Variants in PCED1B observed in about 807,000 individuals in gnomAD.
PCED1B encodes the protein PC-esterase domain-containing protein 1B.
For synonymous variants in PCED1B, 251 were observed against 246.1 expected (o/e 1.02, Z -0.19); for missense variants, 573 against 573.9 (o/e 1.00, Z 0.02).
intron 2 of PCED1B, among the ~76,000 whole-genome samples, chr12:47,201,385 A>T (rs1460307486): frequency 6.6e-6 from 1 of 152,086 alleles, no homozygotes; most frequent in African/African-American, 2.4e-5. Context: ...AGCTTGCACA[A>T]GTTAAGTCCT....
At position 47,178,637 on chromosome 12, in the gene PCED1B, G is replaced by A. The variant is rs532649310; in HGVS notation, c.-525-37585G>A. ...TAATCCCAGCACTTTGGGAGGCTGA[G>A]GTGGGCAAATCACAAGGTCAGGAGT... On this transcript the variant is annotated intron_variant, in intron 2 of 3. Transcript: ENST00000546455. Among the ~76,000 whole-genome samples, 6 of 152,260 alleles carry A rather than the reference G, an allele frequency of 3.9e-5. No homozygotes were observed. The South Asian group carries it at 1.2e-3, about 32-fold the overall frequency.
At chr12:47,227,913 G>A (rs1943682326) in intron 3 of PCED1B, among the ~76,000 whole-genome samples, 1 of 152,100 alleles carries the variant, frequency 6.6e-6, no homozygotes, top group African/African-American at 2.4e-5. Context: ...CTGAGCTCTT[G>A]GAGCAACATT....
In PCED1B at chr12:47,169,627, T is replaced by C. The variant is rs139704617; in HGVS notation, c.-525-46595T>C. ...CTAAATGAAGTTCTCCTTGCATTTC[T>C]AACACTTTATATATTTAGCTGCTGT... On this transcript the variant is annotated intron_variant, in intron 2 of 3. Coordinates refer to ENST00000546455, the MANE Select transcript of PCED1B (RefSeq NM_138371.3). Among the ~76,000 whole-genome samples, 572 of 152,294 alleles carry C rather than the reference T, an allele frequency of 3.8e-3. 3 individuals carry two copies. Among genetic ancestry groups the C allele is most frequent in the African/African-American group, 0.011 (447 of 41,570 alleles).
chr12:47,171,065 CTT>C (rs71437788), intron 2 of PCED1B, among the ~76,000 whole-genome samples: 76 of 121,322 alleles, frequency 6.3e-4, no homozygotes, highest in Admixed American at 1.5e-3. Context: ...GCCAGGTTAC[CTT>C]TTTTTTTTTT....
chr12:47,080,908 C>G (rs377642570), intron 1 of PCED1B, among the ~76,000 whole-genome samples: 1 of 152,060 alleles, frequency 6.6e-6, no homozygotes, highest in Non-Finnish European at 1.5e-5. Flanking sequence ...GTGGCGCGTG[C>G]GGGACAGGGA....
chr12:47,186,352 A>G (rs1240141156), intron 2 of PCED1B, among the ~76,000 whole-genome samples: 3 of 152,056 alleles, frequency 2.0e-5, no homozygotes, highest in African/African-American at 7.2e-5. Flanking sequence ...AGGCAAATAT[A>G]TGGGGAAACT....
intron 1 of PCED1B, among the ~76,000 whole-genome samples, chr12:47,091,526 C>G (rs1368091819): frequency 1.3e-5 from 2 of 152,174 alleles, no homozygotes; most frequent in Non-Finnish European, 2.9e-5. Context: ...TTTGGGGGAA[C>G]AGAAGTTTTT....
chr12:47,081,029 G>C (rs1236958015), intron 1 of PCED1B, among the ~76,000 whole-genome samples: 1 of 152,212 alleles, frequency 6.6e-6, no homozygotes, highest in East Asian at 1.9e-4. Context: ...AGGCCATTCA[G>C]AAATGAGGTG....
intron 2 of PCED1B, among the ~76,000 whole-genome samples, chr12:47,159,819 A>G (rs990338318): frequency 6.6e-6 from 1 of 152,144 alleles, no homozygotes; most frequent in Admixed American, 6.6e-5. Flanking sequence ...GTCAAAACCA[A>G]CGTCCTAAAA....
rs1363916125 is a variant in PCED1B, at chr12:47,235,009, A to G, written c.-55A>G. ...GCCCTTCTCTCCTTCTGTCCTAGCC[A>G]TCCGCAGAGCCATCCTGTGCAAAGG... On this transcript the variant is annotated splice_region_variant and 5_prime_UTR_variant, in exon 4 of 4. Coordinates refer to ENST00000546455, the MANE Select transcript of PCED1B (RefSeq NM_138371.3). The G allele has an allele frequency of 1.4e-6, 2 of 1,466,980 alleles. No individual in the cohort carries two copies. The highest frequency in any genetic ancestry group is 1.4e-5 in the African/African-American group (1 of 70,678). 90.9% of individuals were successfully genotyped at this position (1,466,980 alleles called of 1,614,324 possible).
intron 3 of PCED1B, among the ~76,000 whole-genome samples, chr12:47,229,938 AT>A (rs993353521): frequency 5.1e-4 from 69 of 135,722 alleles, no homozygotes; most frequent in Admixed American, 6.6e-4. Flanking sequence ...CCCGGCTAAT[AT>A]TTTTTTTTGT....
At chr12:47,130,931 C>T (rs1331379156) in intron 2 of PCED1B, among the ~76,000 whole-genome samples, 2 of 152,044 alleles carry the variant, frequency 1.3e-5, no homozygotes, top group Non-Finnish European at 2.9e-5. Context: ...TTACAATTAA[C>T]GAAGATGATT....
At chr12:47,107,265 C>T (rs1339855291) in intron 2 of PCED1B, among the ~76,000 whole-genome samples, 10 of 152,140 alleles carry the variant, frequency 6.6e-5, no homozygotes, top group Non-Finnish European at 1.3e-4. Context: ...ACATCCATAT[C>T]AAGAGGCTGG....
At chr12:47,097,890 T>C (rs1183810828) in intron 1 of PCED1B, among the ~76,000 whole-genome samples, 1 of 152,232 alleles carries the variant, frequency 6.6e-6, no homozygotes, top group Admixed American at 6.5e-5. Context: ...CTGTGCAATT[T>C]GTAGAAGAAG....
intron 2 of PCED1B, among the ~76,000 whole-genome samples, chr12:47,136,931 C>G (rs1207513429): frequency 6.6e-6 from 1 of 152,160 alleles, no homozygotes; most frequent in Non-Finnish European, 1.5e-5. Flanking sequence ...TGCCACGTAA[C>G]CTTGGGTAAC....
At chr12:47,149,426 C>T (rs896949539) in intron 2 of PCED1B, among the ~76,000 whole-genome samples, 1 of 152,148 alleles carries the variant, frequency 6.6e-6, no homozygotes, top group African/African-American at 2.4e-5. Context: ...TTATTAGTTC[C>T]TTATTCTGCC....
intron 2 of PCED1B, among the ~76,000 whole-genome samples, chr12:47,182,142 A>G (rs1253031975): frequency 2.0e-5 from 3 of 152,234 alleles, no homozygotes; most frequent in African/African-American, 7.2e-5. Context: ...GAACAGCTGA[A>G]ATGACTGAAA....
At chr12:47,085,632 A>G (rs968679254) in intron 1 of PCED1B, among the ~76,000 whole-genome samples, 1 of 152,214 alleles carries the variant, frequency 6.6e-6, no homozygotes, top group Admixed American at 6.5e-5. Flanking sequence ...GTATGGTTCC[A>G]GTTTTTGTAA....
At chr12:47,228,086 T>G (rs1396524556) in intron 3 of PCED1B, among the ~76,000 whole-genome samples, 1 of 150,350 alleles carries the variant, frequency 6.7e-6, no homozygotes, top group Non-Finnish European at 1.5e-5. Flanking sequence ...CAGGCTGGAG[T>G]TCAGTGATGC....
Sources: gnomAD v4.1 joint callset for allele counts (sites outside exome capture counted in the v4.1 genomes callset) on GRCh38, gnomAD v4.1.1 for gene constraint, MANE v1.5 for transcripts, NCBI Gene and HGNC (gene_info 2026-07-23, HGNC 2026-07-21) for gene names.